RAB6B: variants seen among roughly 807,000 people sequenced by gnomAD.
RAB6B encodes the protein RAB6B, member RAS oncogene family, also known as ras-related protein Rab-6B.
Under a neutral mutation model 31.2 loss-of-function variants are expected in RAB6B, and 7 were observed. The ratio of observed to expected loss-of-function variants is 0.22; its 90% CI spans 0.13 to 0.42. The LOEUF (loss-of-function observed/expected upper bound fraction) is 0.42, where lower values mean the gene tolerates loss of function less well. Ranked by LOEUF, RAB6B falls within the 10% of genes least tolerant of loss-of-function variation. RAB6B has a pLI of 1.00. For synonymous variants in RAB6B, 105 were observed against 104.9 expected (o/e 1.00, Z -0.01); for missense variants, 149 against 280.6 (o/e 0.53, Z 3.35).
At chr3:133,887,004 A>C (rs1936557757) in intron 1 of RAB6B, among the ~76,000 whole-genome samples, 1 of 127,882 alleles carries the variant, frequency 7.8e-6, no homozygotes, top group Admixed American at 8.2e-5. Context: ...ATGCAGGAGG[A>C]CCAATATGGT....
intron 1 of RAB6B, among the ~76,000 whole-genome samples, chr3:133,889,388 T>TTTTATATATATATATA (rs1277081488): frequency 5.0e-5 from 4 of 80,282 alleles, no homozygotes; most frequent in East Asian, 4.4e-4. Context: ...GGTTATTTTG[T>TTTTATATATATATATA]TATATATATA....
intron 2 of RAB6B, among the ~76,000 whole-genome samples, chr3:133,843,032 A>G (rs1015080806): frequency 3.3e-5 from 5 of 152,264 alleles, no homozygotes; most frequent in Non-Finnish European, 7.3e-5. Flanking sequence ...ATGTGTGTGC[A>G]CAAGTGTGCA....
At chr3:133,849,809 G>T (rs536112948) in intron 2 of RAB6B, among the ~76,000 whole-genome samples, 1 of 152,278 alleles carries the variant, frequency 6.6e-6, no homozygotes, top group South Asian at 2.1e-4. Flanking sequence ...CCCACTTAAG[G>T]TGAAGTTCAT....
chr3:133,864,127 T>C (rs1229093388), intron 2 of RAB6B, among the ~76,000 whole-genome samples: 1 of 132,732 alleles, frequency 7.5e-6, no homozygotes, highest in Non-Finnish European at 1.5e-5. Flanking sequence ...ACCGTGTGTG[T>C]GTGTGTGCGC....
chr3:133,838,326 G>A lies in RAB6B; in HGVS notation c.402-67C>T, dbSNP rs978485616. On this transcript the variant is annotated intron_variant, in intron 5 of 7. Transcript: ENST00000285208. ...GCAGACCCTGGCAGATATGAGGAGGGACCCACCCAGCAGGGCAGAGGGAGC... is the reference window on the plus strand; with the variant it reads ...GCAGACCCTGGCAGATATGAGGAGGAACCCACCCAGCAGGGCAGAGGGAGC... 5 of 1,436,178 alleles carry A rather than the reference G, an allele frequency of 3.5e-6. No homozygotes were observed. The East Asian group carries it at 6.8e-5, about 20-fold the overall frequency. 89.0% of individuals were successfully genotyped at this position (1,436,178 alleles called of 1,614,324 possible).
At chr3:133,846,653 T>C (rs781131590) in intron 2 of RAB6B, among the ~76,000 whole-genome samples, 5 of 151,688 alleles carry the variant, frequency 3.3e-5, no homozygotes, top group Middle Eastern at 3.4e-3. Flanking sequence ...TTGCTGAAAA[T>C]AAAAAAGTAG....
chr3:133,881,160 A>T (rs1446695083), intron 1 of RAB6B, among the ~76,000 whole-genome samples: 1 of 152,208 alleles, frequency 6.6e-6, no homozygotes, highest in Non-Finnish European at 1.5e-5. Context: ...CAGGGCAAGG[A>T]GATGGTGGCC....
chr3:133,876,902 A>G (rs895860263), intron 1 of RAB6B, among the ~76,000 whole-genome samples: 4 of 151,480 alleles, frequency 2.6e-5, no homozygotes, highest in Non-Finnish European at 5.9e-5. Flanking sequence ...GAATACACAC[A>G]CAAAAAAAAA....
intron 2 of RAB6B, among the ~76,000 whole-genome samples, chr3:133,854,719 A>G (rs1459684583): frequency 6.6e-6 from 1 of 152,224 alleles, no homozygotes; most frequent in East Asian, 1.9e-4. Flanking sequence ...ATTAAACAGT[A>G]TCTACAGGGG....
chr3:133,836,254 G>A (rs564001241), intron 6 of RAB6B, among the ~76,000 whole-genome samples: 10 of 152,338 alleles, frequency 6.6e-5, no homozygotes, highest in African/African-American at 2.2e-4. Context: ...TAGTAGGCAA[G>A]GGTAAAAGGG....
intron 7 of RAB6B, 140 bp downstream of exon 7, chr3:133,834,435 G>A (rs1935702087): frequency 1.1e-6 from 1 of 876,572 alleles, no homozygotes; most frequent in African/African-American, 1.6e-5. Context: ...ATCCCGCCTA[G>A]AGGAGGCCCC....
intron 1 of RAB6B, among the ~76,000 whole-genome samples, chr3:133,888,751 G>T (rs1421758896): frequency 6.6e-6 from 1 of 152,202 alleles, no homozygotes; most frequent in Non-Finnish European, 1.5e-5. Flanking sequence ...CAAGCCCCAA[G>T]ATATGGTAAA....
At chr3:133,856,966 T>C (rs1936089007) in intron 2 of RAB6B, among the ~76,000 whole-genome samples, 1 of 152,220 alleles carries the variant, frequency 6.6e-6, no homozygotes, top group African/African-American at 2.4e-5. Context: ...TATCCTCATG[T>C]TGCTAGAGTT....
intron 7 of RAB6B, among the ~76,000 whole-genome samples, chr3:133,829,432 A>C (rs1048006633): frequency 6.6e-6 from 1 of 152,188 alleles, no homozygotes; most frequent in African/African-American, 2.4e-5. Flanking sequence ...TGGGCTAAAG[A>C]AGCACTTATC....
chr3:133,880,419 G>A (rs1204603247), intron 1 of RAB6B, among the ~76,000 whole-genome samples: 3 of 152,226 alleles, frequency 2.0e-5, no homozygotes, highest in Non-Finnish European at 2.9e-5. Flanking sequence ...CAATGGGCCC[G>A]TAACACCCAA....
intron 2 of RAB6B, among the ~76,000 whole-genome samples, chr3:133,843,396 G>A (rs1401121538): frequency 6.6e-6 from 1 of 152,208 alleles, no homozygotes; most frequent in Non-Finnish European, 1.5e-5. Context: ...CAGTGCTTGT[G>A]GATGCAGACT....
rs199975527 is a variant in RAB6B at position 133,890,186 on chromosome 3, T to C, written c.70+5211A>G. On this transcript the variant is annotated intron_variant, in intron 1 of 7. Transcript: ENST00000285208. ...TGAGCTCTGGCAAGCTGAGGTCTGG[T>C]GTGTCCCTTTCCACCTCTGGTGGCC... 7.9e-5 allele frequency among the ~76,000 whole-genome samples: 12 copies of C among 152,296 alleles called. No homozygotes were observed. The East Asian group carries it at 2.3e-3, about 29-fold the overall frequency.
intron 1 of RAB6B, among the ~76,000 whole-genome samples, chr3:133,895,189 C>CTCCA (rs1390199093): frequency 9.9e-5 from 15 of 152,196 alleles, no homozygotes; most frequent in Admixed American, 9.8e-4. Flanking sequence ...CCACCCTCAC[C>CTCCA]TCCACCCCAG....
At chr3:133,885,799 G>A (rs1393307936) in intron 1 of RAB6B, 5 of 589,934 alleles carry the variant, frequency 8.5e-6, no homozygotes, top group Admixed American at 3.0e-5. Flanking sequence ...CATTCTAAGA[G>A]AAAGAATCAA....
Sources: gnomAD v4.1 joint callset for allele counts (sites outside exome capture counted in the v4.1 genomes callset) on GRCh38, gnomAD v4.1.1 for gene constraint, MANE v1.5 for transcripts, NCBI Gene and HGNC (gene_info 2026-07-23, HGNC 2026-07-21) for gene names.